Variants in CPLANE1 observed in about 807,000 individuals in gnomAD.
CPLANE1 encodes the protein ciliogenesis and planar polarity effector 1.
CPLANE1 carries 263 observed loss-of-function variants against 362.5 expected under a neutral mutation model. The ratio of observed to expected loss-of-function variants is 0.73; its 90% confidence interval spans 0.66 to 0.80. The LOEUF is 0.80. CPLANE1 is among the 30% of genes least tolerant of loss of function. CPLANE1 has a pLI of 0.00. For missense variants in CPLANE1, 3,461 were observed against 3,793.4 expected (o/e 0.91, Z 2.30); for synonymous variants, 1,212 against 1,302.6 (o/e 0.93, Z 1.50).
intron 11 of CPLANE1, 25 bp downstream of exon 11, chr5:37,227,218 T>C (rs1277936110): frequency 5.2e-6 from 8 of 1,544,736 alleles, no homozygotes; most frequent in Non-Finnish European, 7.0e-6. Flanking sequence ...TTGTTCCAAG[T>C]AAATAAAATT....
chr5:37,076,249 G>A, the CPLANE1 span, among the ~76,000 whole-genome samples: 3 of 45,348 alleles, frequency 6.6e-5, no homozygotes, highest in Admixed American at 8.7e-4. Context: ...GCAAGACCCT[G>A]TCTCAAAAAA....
Position 37,201,640 on chromosome 5 carries a change from T to C in CPLANE1, c.3458A>G (p.Tyr1153Cys). The C allele has an allele frequency of 6.2e-7, 1 of 1,614,190 alleles. No homozygotes were observed. The highest frequency in any genetic ancestry group is 8.5e-7 in the Non-Finnish European group (1 of 1,180,018). The change falls in exon 19 of 53, where the codon TAT (tyrosine) becomes TGT (cysteine). Residue 1153 changes from tyrosine (Y) to cysteine (C), a missense_variant. Around this residue, in one of 2 missense-constraint regions of CPLANE1, gnomAD observed 3,380 missense variants for 3,666.1 expected, o/e 0.92. Coordinates refer to ENST00000651892, the MANE Select transcript of CPLANE1 (RefSeq NM_001384732.1). ...RLWGLVPFGL[Y>C]LPAPPLYCPQ... The stretch of plus-strand genomic sequence containing the variant: ...ACAGTACAATGGAGGAGCTGGAAGA[T>C]ACAAGCCGAATGGCACTAAGCCCCA...
chr5:37,165,745 A>G, intron 35 of CPLANE1, 74 bp from the exon 36 acceptor site: 1 of 1,372,534 alleles, frequency 7.3e-7, no homozygotes, highest in East Asian at 2.5e-5. Context: ...CATGCTATAT[A>G]GGGATACAGT....
At chr5:37,192,293 T>G in intron 21 of CPLANE1, among the ~76,000 whole-genome samples, 1 of 152,130 alleles carries the variant, frequency 6.6e-6, no homozygotes, top group East Asian at 1.9e-4. Flanking sequence ...GCAGTGGCTA[T>G]TCACAGGTGC....
chr5:37,179,816 G>T (rs923546063), intron 28 of CPLANE1, among the ~76,000 whole-genome samples: 1 of 152,034 alleles, frequency 6.6e-6, no homozygotes, highest in Non-Finnish European at 1.5e-5. Context: ...AAATACCTTA[G>T]ATCTTCTTGG....
At chr5:37,092,535 T>C in the CPLANE1 span, among the ~76,000 whole-genome samples, 4 of 152,224 alleles carry the variant, frequency 2.6e-5, no homozygotes, top group Non-Finnish European at 5.9e-5. Context: ...TAGGCAATTA[T>C]AACATCTTAG....
Position 37,209,696 on chromosome 5 carries a change from A to G in CPLANE1, c.2921-3271T>C, listed in dbSNP as rs1792034423. 2 of 1,247,842 alleles carry G rather than the reference A, an allele frequency of 1.6e-6. No homozygotes were observed. The highest frequency in any genetic ancestry group is 1.7e-5 in the Admixed American group (1 of 59,352). 77.3% of individuals were successfully genotyped at this position (1,247,842 alleles called of 1,614,324 possible). ...AAAAGGTATTTACTATGCAGGATCT[A>G]TTACAACTCATTAAAATCAACCCTA... On this transcript the variant is annotated intron_variant, in intron 16 of 52. Coordinates refer to ENST00000651892, the MANE Select transcript of CPLANE1 (RefSeq NM_001384732.1). This position sits in a 1 kb window ranked among gnomAD's most constrained non-coding sequence, Gnocchi z 4.6.
chr5:37,097,221 AT>A, the CPLANE1 span, among the ~76,000 whole-genome samples: 8 of 152,128 alleles, frequency 5.3e-5, no homozygotes, highest in Non-Finnish European at 8.8e-5. Flanking sequence ...AACAAAAAAA[AT>A]AAATATATGT....
At chr5:37,212,420 G>A (rs934979837) in intron 16 of CPLANE1, 2 of 731,136 alleles carry the variant, frequency 2.7e-6, no homozygotes, top group Non-Finnish European at 5.1e-6. Context: ...CATACCATGA[G>A]AAATTACATA....
intron 12 of CPLANE1, among the ~76,000 whole-genome samples, chr5:37,225,078 C>T (rs1796159241): frequency 6.6e-6 from 1 of 151,768 alleles, no homozygotes; most frequent in South Asian, 2.1e-4. Context: ...TGCCACTGCA[C>T]TCCAGCCTGG....
chr5:37,120,280 G>A lies in CPLANE1; in HGVS notation c.9246C>T (p.Ser3082=), dbSNP rs756091683. Residue 3082 remains serine, a synonymous_variant, in exon 50 of 53, where the codon TCC becomes TCT. Transcript: ENST00000651892. ...TCCTCTTATGGATATAACTCGGTTT[G>A]GACATATATTTGACTTTTCCAGGTC... ...INRPGKVKYM[S]KPSYIHKRKS... is the part of the protein sequence containing the mutation. 1.9e-6 allele frequency: 3 copies of A among 1,599,910 alleles called. No homozygotes were observed. In the South Asian group the frequency reaches 3.4e-5, roughly 18 times the overall value.
intron 37 of CPLANE1, 39 bp from the exon 38 acceptor site, chr5:37,162,605 G>C: frequency 7.1e-7 from 1 of 1,410,228 alleles, no homozygotes; most frequent in Non-Finnish European, 1.0e-6. Context: ...TCATTGAGAA[G>C]CTAACAGATT....
chr5:37,142,046 T>G (rs947722437), intron 44 of CPLANE1: 3 of 848,054 alleles, frequency 3.5e-6, no homozygotes, highest in Admixed American at 5.4e-5. Context: ...AAAAATCAAC[T>G]ATTACAGTAA....
intron 2 of CPLANE1, chr5:37,246,559 A>G (rs1739732880): frequency 6.6e-6 from 1 of 152,222 alleles, no homozygotes; most frequent in South Asian, 2.1e-4. Context: ...TCTGAAATTC[A>G]TAAATCCCTG....
At chr5:37,144,258 A>T (rs1055045728) in intron 43 of CPLANE1, among the ~76,000 whole-genome samples, 1 of 151,786 alleles carries the variant, frequency 6.6e-6, no homozygotes, top group African/African-American at 2.4e-5. Flanking sequence ...AAATACAAAA[A>T]ATTAGCCCAG....
the CPLANE1 span, among the ~76,000 whole-genome samples, chr5:37,076,168 A>C: frequency 3.3e-5 from 5 of 151,720 alleles, no homozygotes; most frequent in African/African-American, 1.2e-4. Flanking sequence ...AGGCAGGAGG[A>C]TCACTTGAAC....
Position 37,183,082 on chromosome 5 carries a change from C to A in CPLANE1, c.5099G>T (p.Arg1700Ile), listed in dbSNP as rs190100945. The change falls in exon 26 of 53, where the codon AGA becomes ATA. Residue 1700 changes from arginine to isoleucine, a missense_variant. This residue lies in a region of CPLANE1 where 3,380 missense variants were observed against 3,666.1 expected (regional missense o/e 0.92). Coordinates refer to ENST00000651892, the MANE Select transcript of CPLANE1 (RefSeq NM_001384732.1). ...AGTCCAAAAAATGTGGTTTGATGATCTCTGGATTAGACATTTCTCTCTAGT... is the reference window on the plus strand; with the variant it reads ...AGTCCAAAAAATGTGGTTTGATGATATCTGGATTAGACATTTCTCTCTAGT... ...DDTREKCLIQ[R>I]SSNHIFWTPK... 7.7e-5 allele frequency: 124 copies of A among 1,613,406 alleles called. No homozygotes were observed. The East Asian group carries it at 2.7e-3, about 36-fold the overall frequency.
chr5:37,122,878 T>C (rs1235539920), intron 47 of CPLANE1, among the ~76,000 whole-genome samples: 4 of 151,918 alleles, frequency 2.6e-5, no homozygotes, highest in Admixed American at 2.6e-4. Flanking sequence ...AAGGCTCCGT[T>C]TCAAAAAAAT....
In CPLANE1 at chr5:37,177,680, C is replaced by T. The variant is rs1179226347; in HGVS notation, c.5841G>A (p.Gln1947=). ...TCTCCAGTGGTTCTTCCCTTTGACA[C>T]TGAACCTCTTCTGTGAACTCCTGTT... ...QLEEEFTEEV[Q]CQREEPLETI... is the part of the protein sequence containing the mutation. The change falls in exon 30 of 53, where the codon CAG becomes CAA. Residue 1947 remains glutamine (Q), a synonymous_variant. Coordinates refer to ENST00000651892, the MANE Select transcript of CPLANE1 (RefSeq NM_001384732.1). 1.2e-6 allele frequency: 2 copies of T among 1,613,684 alleles called. No homozygotes were observed. Among genetic ancestry groups the T allele is most frequent in the South Asian group, 1.1e-5 (1 of 91,038 alleles).
Sources: gnomAD v4.1 joint callset for allele counts (sites outside exome capture counted in the v4.1 genomes callset) on GRCh38, gnomAD v4.1.1 for gene constraint, gnomAD v4.1.1 regional missense constraint, Gnocchi (gnomAD v3.1) non-coding constraint, MANE v1.5 for transcripts, NCBI Gene and HGNC (gene_info 2026-07-23, HGNC 2026-07-21) for gene names.